The following POFUT3 variants were observed in gnomAD, a reference collection of about 807,000 sequenced individuals.
POFUT3 encodes protein O-fucosyltransferase 3, also known as GDP-fucose protein O-fucosyltransferase 3.
At chr8:33,453,301 T>A in the POFUT3 span, 14 of 1,614,094 alleles carry the variant, frequency 8.7e-6, no homozygotes, top group Admixed American at 6.7e-5. Context: ...CACATTGGCC[T>A]AACCTCCCAG....
At chr8:33,470,085 G>A in the POFUT3 span, among the ~76,000 whole-genome samples, 7 of 151,556 alleles carry the variant, frequency 4.6e-5, no homozygotes, top group African/African-American at 1.5e-4. Context: ...GAGCCATGGC[G>A]CCCGGCAAGA....
chr8:33,326,028 G>T, the POFUT3 span, among the ~76,000 whole-genome samples: 3 of 152,318 alleles, frequency 2.0e-5, no homozygotes, highest in South Asian at 6.2e-4. Context: ...GCATGGAGCT[G>T]CTGGGACTGC....
At chr8:33,326,047 G>A in the POFUT3 span, among the ~76,000 whole-genome samples, 1 of 152,184 alleles carries the variant, frequency 6.6e-6, no homozygotes, top group Admixed American at 6.5e-5. Context: ...GCTGGAGTCA[G>A]GTCCTCTCTG....
the POFUT3 span, among the ~76,000 whole-genome samples, chr8:33,398,892 G>A: frequency 8.9e-4 from 136 of 152,170 alleles, no homozygotes; most frequent in Non-Finnish European, 1.5e-3. Context: ...CTTATGGGCC[G>A]GCATTTTTTT....
the POFUT3 span, chr8:33,372,808 C>T: frequency 1.1e-5 from 18 of 1,611,808 alleles, no homozygotes; most frequent in South Asian, 2.0e-4. Context: ...GTAAGCCCTG[C>T]AGGAAGAGAA....
chr8:33,392,173 C>T, the POFUT3 span, among the ~76,000 whole-genome samples: 1 of 152,200 alleles, frequency 6.6e-6, no homozygotes, highest in Admixed American at 6.5e-5. Flanking sequence ...GATACATCCA[C>T]ACAAAACACA....
chr8:33,382,951 C>T, the POFUT3 span, among the ~76,000 whole-genome samples: 1 of 152,148 alleles, frequency 6.6e-6, no homozygotes, highest in South Asian at 2.1e-4. Context: ...GAACTCTTCT[C>T]AGCACCCATA....
chr8:33,397,975 A>C, the POFUT3 span, among the ~76,000 whole-genome samples: 2 of 152,258 alleles, frequency 1.3e-5, no homozygotes, highest in Admixed American at 6.5e-5. Context: ...TAAGCTGAGA[A>C]TTCTGGGACT....
the POFUT3 span, among the ~76,000 whole-genome samples, chr8:33,432,137 C>T: frequency 2.0e-5 from 3 of 151,960 alleles, no homozygotes; most frequent in African/African-American, 7.2e-5. Context: ...CAGCCAGGCA[C>T]GGTGGCTCAC....
chr8:33,422,132 A>G, the POFUT3 span, among the ~76,000 whole-genome samples: 1 of 151,828 alleles, frequency 6.6e-6, no homozygotes, highest in Admixed American at 6.6e-5. Flanking sequence ...TTACTTTTTG[A>G]TAAAATCACA....
the POFUT3 span, among the ~76,000 whole-genome samples, chr8:33,467,439 G>T: frequency 6.6e-6 from 1 of 152,094 alleles, no homozygotes; most frequent in Admixed American, 6.6e-5. Context: ...ATTGCCTACA[G>T]GATGAATCTG....
the POFUT3 span, among the ~76,000 whole-genome samples, chr8:33,403,716 T>C: frequency 1.3e-5 from 2 of 152,134 alleles, no homozygotes; most frequent in African/African-American, 4.8e-5. Context: ...AGTGAGAGCC[T>C]GTCTTTTAAA....
chr8:33,318,774 T>A, the POFUT3 span, among the ~76,000 whole-genome samples: 2 of 59,118 alleles, frequency 3.4e-5, no homozygotes, highest in Non-Finnish European at 5.2e-5. Context: ...TATATATATT[T>A]TATATATATT....
chr8:33,412,910 G>A, the POFUT3 span, among the ~76,000 whole-genome samples: 4 of 152,268 alleles, frequency 2.6e-5, no homozygotes, highest in South Asian at 2.1e-4. Flanking sequence ...TTACAGGCAT[G>A]AGCCACTGCA....
the POFUT3 span, chr8:33,460,777 T>G: frequency 1.0e-6 from 1 of 984,754 alleles, no homozygotes; most frequent in Non-Finnish European, 1.2e-6. Flanking sequence ...TTCACCTGTT[T>G]AAAAAAGGGG....
At chr8:33,465,429 TAGAG>T in the POFUT3 span, among the ~76,000 whole-genome samples, 13 of 146,954 alleles carry the variant, frequency 8.8e-5, no homozygotes, top group East Asian at 2.0e-4. Flanking sequence ...CATATATATA[TAGAG>T]AGAGAGAGAG....
the POFUT3 span, chr8:33,388,880 C>A: frequency 9.2e-7 from 1 of 1,091,262 alleles, no homozygotes; most frequent in East Asian, 2.4e-5. Flanking sequence ...GATGAGGTGG[C>A]AACAACAGAA....
chr8:33,390,508 C>A, the POFUT3 span, among the ~76,000 whole-genome samples: 20 of 83,614 alleles, frequency 2.4e-4, no homozygotes, highest in South Asian at 3.4e-4. Flanking sequence ...GAAAGGAAGC[C>A]AAAAAAGGAA....
the POFUT3 span, among the ~76,000 whole-genome samples, chr8:33,470,873 A>C: frequency 1.3e-5 from 2 of 152,184 alleles, no homozygotes; most frequent in African/African-American, 2.4e-5. Flanking sequence ...AATTATATCC[A>C]GGAGTAAAAA....
Sources: allele counts gnomAD v4.1 joint callset (sites outside exome capture counted in the v4.1 genomes callset), GRCh38; gene constraint gnomAD v4.1.1; transcripts MANE v1.5; gene names NCBI Gene and HGNC (gene_info 2026-07-23, HGNC 2026-07-21).